Variants in ZNF385D observed in about 807,000 individuals in gnomAD.
ZNF385D encodes the protein zinc finger protein 385D, also known as zinc finger protein 659.
A neutral mutation model predicts 35.8 loss-of-function variants in ZNF385D; 15 were observed. The ratio of observed to expected loss-of-function variants is 0.42; its 90% confidence interval spans 0.28 to 0.64. The LOEUF (loss-of-function observed/expected upper bound fraction) is 0.64, where lower values mean the gene tolerates loss of function less well. Among genes scored for constraint, ZNF385D ranks in the 30% least tolerant of loss-of-function variants. The pLI is 0.23. For synonymous variants in ZNF385D, 212 were observed against 186.8 expected (o/e 1.13, Z -1.10); for missense variants, 474 against 494.6 (o/e 0.96, Z 0.39).
At chr3:21,600,829 A>G (rs1206278418) in intron 2 of ZNF385D, among the ~76,000 whole-genome samples, 3 of 152,118 alleles carry the variant, frequency 2.0e-5, no homozygotes, top group African/African-American at 7.2e-5. Flanking sequence ...ATGAGAGTAT[A>G]TACATAAAAA....
chr3:22,326,040 G>A lies in ZNF385D; in HGVS notation c.106+46410C>T, dbSNP rs567635351. ...ACACTGGCTCTCTTCCCTCCTCCCT[G>A]TCTCCAATTCCCGAATGTTTTCCTT... On this transcript the variant is annotated intron_variant, in intron 2 of 5. Coordinates refer to the ZNF385D transcript ENST00000494108. Among the ~76,000 whole-genome samples the A allele has an allele frequency of 2.6e-5, 4 of 152,038 alleles. No individual in the cohort carries two copies. In the South Asian group the frequency reaches 8.3e-4, roughly 32 times the overall value.
At chr3:22,097,585 T>G (rs149822143) in intron 3 of ZNF385D, among the ~76,000 whole-genome samples, 109 of 152,182 alleles carry the variant, frequency 7.2e-4, no homozygotes, top group African/African-American at 2.5e-3. Flanking sequence ...AATGACTTCT[T>G]CTCACTGTCT....
intron 3 of ZNF385D, among the ~76,000 whole-genome samples, chr3:21,956,661 A>G (rs11714758): frequency 0.12 from 17,892 of 151,884 alleles, 1,382 homozygotes; most frequent in South Asian, 0.23. Context: ...ACACTTATGC[A>G]ATGGTAAAAA....
At chr3:22,264,732 C>T (rs905583498) in intron 2 of ZNF385D, among the ~76,000 whole-genome samples, 2 of 151,938 alleles carry the variant, frequency 1.3e-5, no homozygotes, top group African/African-American at 4.8e-5. Flanking sequence ...TTAATGAATA[C>T]TTGTTGCATG....
intron 2 of ZNF385D, among the ~76,000 whole-genome samples, chr3:21,663,650 G>C (rs549895715): frequency 6.6e-6 from 1 of 151,742 alleles, no homozygotes; most frequent in South Asian, 2.1e-4. Context: ...CCTGTGTTTT[G>C]TAAAGGTGAC....
chr3:21,857,054 T>G (rs1240380478), intron 3 of ZNF385D, among the ~76,000 whole-genome samples: 1 of 152,018 alleles, frequency 6.6e-6, no homozygotes, highest in African/African-American at 2.4e-5. Flanking sequence ...TTCTCACATG[T>G]CACTTTCTCA....
intron 1 of ZNF385D, among the ~76,000 whole-genome samples, chr3:21,728,493 C>A (rs796505929): frequency 7.9e-5 from 12 of 152,218 alleles, no homozygotes; most frequent in African/African-American, 2.9e-4. Flanking sequence ...TAAAAAACTT[C>A]TTTACTTACC....
At chr3:21,495,824 G>A (rs1705796734) in intron 4 of ZNF385D, among the ~76,000 whole-genome samples, 1 of 149,900 alleles carries the variant, frequency 6.7e-6, no homozygotes, top group Non-Finnish European at 1.5e-5. Flanking sequence ...AGAAAAAAGA[G>A]AGAAGTTTGA....
intron 2 of ZNF385D, among the ~76,000 whole-genome samples, chr3:22,361,189 A>G (rs1308301418): frequency 6.6e-6 from 1 of 152,076 alleles, no homozygotes; most frequent in Non-Finnish European, 1.5e-5. Flanking sequence ...AACTCAGCTA[A>G]TGGACAAGAT....
intron 2 of ZNF385D, among the ~76,000 whole-genome samples, chr3:22,169,446 CATG>C (rs1706542555): frequency 6.6e-6 from 1 of 152,156 alleles, no homozygotes; most frequent in African/African-American, 2.4e-5. Flanking sequence ...TTTTAATCAT[CATG>C]TTCTCTAGTA....
intron 4 of ZNF385D, among the ~76,000 whole-genome samples, chr3:21,457,346 CGTTGTTGTTGTT>C (rs34762256): frequency 2.7e-5 from 4 of 150,622 alleles, no homozygotes; most frequent in Non-Finnish European, 5.9e-5. Flanking sequence ...TTGTTGTTGT[CGTTGTTGTTGTT>C]GTTGTTGTTG....
intron 3 of ZNF385D, among the ~76,000 whole-genome samples, chr3:21,834,364 G>T (rs931249986): frequency 4.6e-5 from 7 of 152,130 alleles, no homozygotes; most frequent in Admixed American, 2.0e-4. Context: ...TTTGACCAAG[G>T]AAACCATTTG....
At chr3:22,081,183 A>G (rs145381195) in intron 3 of ZNF385D, among the ~76,000 whole-genome samples, 2 of 152,298 alleles carry the variant, frequency 1.3e-5, no homozygotes, top group African/African-American at 2.4e-5. Context: ...TTTTTATTAG[A>G]TATTTGTTAA....
At chr3:22,309,735 T>C (rs1330434258) in intron 2 of ZNF385D, among the ~76,000 whole-genome samples, 1 of 151,978 alleles carries the variant, frequency 6.6e-6, no homozygotes, top group African/African-American at 2.4e-5. Context: ...TCACCACTCT[T>C]TTGAAAAGAG....
At chr3:22,321,201 CTT>C (rs936510005) in intron 2 of ZNF385D, among the ~76,000 whole-genome samples, 1 of 56,326 alleles carries the variant, frequency 1.8e-5, no homozygotes, top group Admixed American at 1.8e-4. Context: ...TCTGGCATCT[CTT>C]TTATCTCTTT....
intron 1 of ZNF385D, among the ~76,000 whole-genome samples, chr3:21,707,935 G>C (rs918895959): frequency 2.0e-5 from 3 of 152,154 alleles, no homozygotes; most frequent in Non-Finnish European, 4.4e-5. Flanking sequence ...GTGGTGATGC[G>C]GAAGGAGCTC....
intron 2 of ZNF385D, among the ~76,000 whole-genome samples, chr3:22,312,266 G>C (rs376623845): frequency 6.6e-6 from 1 of 152,124 alleles, no homozygotes; most frequent in Non-Finnish European, 1.5e-5. Flanking sequence ...TAATCTGTGA[G>C]TAAAAATTCA....
rs139296234 is a variant in ZNF385D, at chr3:21,926,243, T to C, written c.325+242574A>G. Among the ~76,000 whole-genome samples, 92 of 152,246 alleles carry C rather than the reference T, an allele frequency of 6.0e-4. No homozygotes were observed. The East Asian group carries it at 8.9e-3, about 15-fold the overall frequency. ...GTGGTTTGCTGCTCCCATAAACCTG[T>C]CATCTTCATTAGGTATTTCTCCTAA... On this transcript the variant is annotated intron_variant, in intron 3 of 5. Coordinates refer to the ZNF385D transcript ENST00000494108.
chr3:21,508,975 T>C (rs1191709735), intron 4 of ZNF385D, among the ~76,000 whole-genome samples: 1 of 151,080 alleles, frequency 6.6e-6, no homozygotes, highest in East Asian at 2.0e-4. Flanking sequence ...GGGGCTTTTT[T>C]TTTTTTTCTT....
Sources: gnomAD v4.1 joint callset for allele counts (sites outside exome capture counted in the v4.1 genomes callset) on GRCh38, gnomAD v4.1.1 for gene constraint, MANE v1.5 for transcripts, NCBI Gene and HGNC (gene_info 2026-07-23, HGNC 2026-07-21) for gene names.